CMIP: variants seen among roughly 807,000 people sequenced by gnomAD.
The protein encoded by CMIP is c-Maf inducing protein.
CMIP carries 13 observed loss-of-function variants against 97.3 expected under a neutral mutation model. That is an observed-to-expected ratio of 0.13 (90% confidence interval 0.09 to 0.21). The LOEUF (loss-of-function observed/expected upper bound fraction) is 0.21, where lower values mean the gene tolerates loss of function less well. Among genes scored for constraint, CMIP ranks in the 10% least tolerant of loss-of-function variants. The probability of loss-of-function intolerance (pLI) is 1.00; values close to 1 mark genes in which losing one functional copy is unlikely to be tolerated. For missense variants in CMIP, 847 were observed against 1,024.9 expected (o/e 0.83, Z 2.37); for synonymous variants, 538 against 436.3 (o/e 1.23, Z -2.91).
chr16:81,658,849 G>C (rs1050486294), intron 5 of CMIP, among the ~76,000 whole-genome samples: 1 of 152,258 alleles, frequency 6.6e-6, no homozygotes, highest in Non-Finnish European at 1.5e-5. Flanking sequence ...TCAGTCACTA[G>C]GCCCCTCACG....
rs1908800483 is a variant in CMIP at position 81,711,747 on chromosome 16, G to A, written c.*1948G>A. 6.5e-6 allele frequency: 1 copy of A among 152,678 alleles called. No individual in the cohort carries two copies. The highest frequency in any genetic ancestry group is 2.4e-5 in the African/African-American group (1 of 41,462). 9.5% of individuals were successfully genotyped at this position (152,678 alleles called of 1,614,324 possible). A position where few individuals can be genotyped will look rare whatever the true frequency, so the allele number is the denominator to read the frequency against. ...AAATACTTTCAGGCAAAAATAAACT[G>A]TAAGTGACTCATCAATGTCTGGCCT... On this transcript the variant is annotated 3_prime_UTR_variant, in exon 21 of 21. Coordinates refer to ENST00000537098, the MANE Select transcript of CMIP (RefSeq NM_198390.3).
chr16:81,618,267 G>T (rs2091947418), intron 2 of CMIP, among the ~76,000 whole-genome samples: 1 of 152,174 alleles, frequency 6.6e-6, no homozygotes, highest in Non-Finnish European at 1.5e-5. Context: ...TTCGTTTCCA[G>T]CTTCTAAAGG....
chr16:81,584,882 A>G (rs1045361485), intron 1 of CMIP, among the ~76,000 whole-genome samples: 1 of 152,212 alleles, frequency 6.6e-6, no homozygotes, highest in African/African-American at 2.4e-5. Context: ...TGCCTCCATG[A>G]GTCAACTCCC....
chr16:81,482,292 C>G (rs918415995), intron 1 of CMIP, among the ~76,000 whole-genome samples: 11 of 152,260 alleles, frequency 7.2e-5, no homozygotes, highest in Admixed American at 5.9e-4. Context: ...TTTGCCATGT[C>G]AGGCCACATA....
At chr16:81,648,536 C>T (rs1006301855) in intron 3 of CMIP, among the ~76,000 whole-genome samples, 1 of 152,124 alleles carries the variant, frequency 6.6e-6, no homozygotes, top group South Asian at 2.1e-4. Flanking sequence ...GTAATCCCAG[C>T]ACTTTGGGAG....
intron 10 of CMIP, among the ~76,000 whole-genome samples, chr16:81,687,273 C>G (rs542343817): frequency 5.3e-5 from 8 of 152,318 alleles, no homozygotes; most frequent in African/African-American, 1.9e-4. Context: ...CTGGGCCCCT[C>G]CTGGGGTGGT....
intron 1 of CMIP, among the ~76,000 whole-genome samples, chr16:81,492,548 G>A (rs1464450520): frequency 2.0e-5 from 3 of 152,226 alleles, no homozygotes; most frequent in East Asian, 1.9e-4. Flanking sequence ...GGCCGGGAGC[G>A]AGTGTGCTGG....
At chr16:81,558,980 C>G (rs1467403115) in intron 1 of CMIP, among the ~76,000 whole-genome samples, 1 of 152,218 alleles carries the variant, frequency 6.6e-6, no homozygotes, top group Non-Finnish European at 1.5e-5. Context: ...AGTAAACACC[C>G]AGCCCTCTCC....
At chr16:81,563,658 G>T (rs903521145) in intron 1 of CMIP, among the ~76,000 whole-genome samples, 1 of 152,204 alleles carries the variant, frequency 6.6e-6, no homozygotes, top group South Asian at 2.1e-4. Context: ...CATGGCAATC[G>T]GTACGCTTCT....
At chr16:81,682,732 CA>C (rs776686784) in intron 10 of CMIP, among the ~76,000 whole-genome samples, 2 of 152,332 alleles carry the variant, frequency 1.3e-5, no homozygotes, top group Non-Finnish European at 2.9e-5. Context: ...TGCCAGGGAG[CA>C]GGGGTAGTGG....
Position 81,509,248 on chromosome 16 carries a change from C to T in CMIP, c.300+63707C>T, listed in dbSNP as rs370839232. 5.6e-4 allele frequency among the ~76,000 whole-genome samples: 85 copies of T among 152,246 alleles called. No homozygotes were observed. In the Middle Eastern group the frequency reaches 0.014, roughly 24 times the overall value. Reference sequence around the variant, plus strand: ...TCTCTTTAGCTCCATCCTATAGATGCGCAAGCAGGTGCAGAGAGATGTGGC... The same window carrying T: ...TCTCTTTAGCTCCATCCTATAGATGTGCAAGCAGGTGCAGAGAGATGTGGC... On this transcript the variant is annotated intron_variant, in intron 1 of 20. Coordinates refer to ENST00000537098, the MANE Select transcript of CMIP (RefSeq NM_198390.3).
At chr16:81,463,562 A>T (rs1345007226) in intron 1 of CMIP, among the ~76,000 whole-genome samples, 2 of 152,134 alleles carry the variant, frequency 1.3e-5, no homozygotes, top group African/African-American at 2.4e-5. Flanking sequence ...ATTTTGTAGG[A>T]CGATTCAAGC....
At chr16:81,666,974 G>GGT (rs1555546860) in intron 7 of CMIP, 1 of 151,826 alleles carries the variant, frequency 6.6e-6, no homozygotes, top group Non-Finnish European at 1.5e-5. Context: ...TGGTGTGGGG[G>GGT]GGGGGTCATG....
chr16:81,446,400 A>G (rs1280244790), intron 1 of CMIP, among the ~76,000 whole-genome samples: 6 of 151,016 alleles, frequency 4.0e-5, no homozygotes, highest in Admixed American at 2.0e-4. Context: ...CCTTCTTCGT[A>G]CGTGGAGAAA....
chr16:81,573,878 T>C (rs1206621108), intron 1 of CMIP, among the ~76,000 whole-genome samples: 1 of 152,188 alleles, frequency 6.6e-6, no homozygotes, highest in Non-Finnish European at 1.5e-5. Context: ...GTGTCCTGAC[T>C]CCTCTTGAGC....
rs1461109285 is a variant in CMIP, at chr16:81,590,146, C to CT, written c.301-17419dup. 2.0e-5 allele frequency among the ~76,000 whole-genome samples: 3 copies of CT among 152,216 alleles called. No individual in the cohort carries two copies. In the East Asian group the frequency reaches 5.8e-4, roughly 29 times the overall value. On this transcript the variant is annotated intron_variant, in intron 1 of 20. Transcript: ENST00000537098. ...GCAGCCCTGTCTGCCAGCCTGGACACTTGGCGGGGAACCCTGGGAATGACC... is the reference window on the plus strand; with the variant it reads ...GCAGCCCTGTCTGCCAGCCTGGACACTTTGGCGGGGAACCCTGGGAATGACC...
At chr16:81,604,543 C>CA (rs1289294247) in intron 1 of CMIP, among the ~76,000 whole-genome samples, 3 of 151,212 alleles carry the variant, frequency 2.0e-5, no homozygotes, top group East Asian at 2.0e-4. Context: ...ACTAAAAATA[C>CA]AAAAAAAATT....
intron 1 of CMIP, among the ~76,000 whole-genome samples, chr16:81,452,869 GTTTT>G (rs377250298): frequency 9.7e-6 from 1 of 103,044 alleles, no homozygotes; most frequent in African/African-American, 3.9e-5. Flanking sequence ...TTTTTCTTTT[GTTTT>G]TTTTTTGTTT....
chr16:81,549,728 C>G lies in CMIP; in HGVS notation c.301-57839C>G, dbSNP rs185603422. Among the ~76,000 whole-genome samples, 11 of 152,344 alleles carry G rather than the reference C, an allele frequency of 7.2e-5. No homozygotes were observed. The East Asian group carries it at 1.9e-3, about 27-fold the overall frequency. On this transcript the variant is annotated intron_variant, in intron 1 of 20. Transcript: ENST00000537098. Reference sequence around the variant, plus strand: ...TGCTAGACCTGGTAAGCTGGGCAGACCGAGCCCAGAGCAGGGCCTGGGTGC... The same window carrying G: ...TGCTAGACCTGGTAAGCTGGGCAGAGCGAGCCCAGAGCAGGGCCTGGGTGC...
Sources: allele counts gnomAD v4.1 joint callset (sites outside exome capture counted in the v4.1 genomes callset), GRCh38; gene constraint gnomAD v4.1.1; transcripts MANE v1.5; gene names NCBI Gene and HGNC (gene_info 2026-07-23, HGNC 2026-07-21).